NDUFAF6: variants seen among roughly 807,000 people sequenced by gnomAD.
The protein encoded by NDUFAF6 is NADH:ubiquinone oxidoreductase complex assembly factor 6, also known as NADH dehydrogenase (ubiquinone) complex I, assembly factor 6.
In NDUFAF6, 45 loss-of-function variants were observed where a neutral mutation model predicts 40.8. The ratio of observed to expected loss-of-function variants is 1.10; its 90% CI spans 0.87 to 1.42. The LOEUF (loss-of-function observed/expected upper bound fraction) is 1.42, where lower values mean the gene tolerates loss of function less well. Ranked by LOEUF, NDUFAF6 falls within the 40% of genes most tolerant of loss-of-function variation. The probability of loss-of-function intolerance (pLI) is 0.00; values close to 1 mark genes in which losing one functional copy is unlikely to be tolerated. For synonymous variants in NDUFAF6, 185 were observed against 155.9 expected (o/e 1.19, Z -1.39); for missense variants, 435 against 418.5 (o/e 1.04, Z -0.34).
chr8:95,050,300 A>G (rs1471905326), intron 7 of NDUFAF6, among the ~76,000 whole-genome samples: 1 of 152,216 alleles, frequency 6.6e-6, no homozygotes, highest in African/African-American at 2.4e-5. Context: ...AGATTTGAAC[A>G]CCACTGGTGG....
chr8:95,015,546 A>G (rs1448029671), intron 2 of NDUFAF6, among the ~76,000 whole-genome samples: 2 of 152,214 alleles, frequency 1.3e-5, no homozygotes, highest in Non-Finnish European at 2.9e-5. Flanking sequence ...TTCACCTTTG[A>G]CAGCAATAGT....
chr8:94,899,954 C>T (rs1817908355), intron 1 of NDUFAF6, among the ~76,000 whole-genome samples: 1 of 152,188 alleles, frequency 6.6e-6, no homozygotes, highest in African/African-American at 2.4e-5. Context: ...ATCCCCTGTC[C>T]TTCTCACCTT....
intron 1 of NDUFAF6, 95 bp downstream of exon 1, chr8:95,025,300 GA>G: frequency 8.1e-7 from 1 of 1,229,144 alleles, no homozygotes; most frequent in Non-Finnish European, 1.0e-6. Context: ...TGAGCGAGCG[GA>G]CCGGCGCCTT....
At chr8:94,978,628 C>T (rs978871640) in intron 1 of NDUFAF6, among the ~76,000 whole-genome samples, 5 of 151,828 alleles carry the variant, frequency 3.3e-5, no homozygotes, top group Admixed American at 6.6e-5. Flanking sequence ...GTGGGAGGAT[C>T]GCTTGAGCCT....
intron 2 of NDUFAF6, among the ~76,000 whole-genome samples, chr8:95,002,740 A>G (rs1826792306): frequency 6.6e-6 from 1 of 152,196 alleles, no homozygotes; most frequent in Non-Finnish European, 1.5e-5. Context: ...CTTAGAGACT[A>G]GTAGGGAATA....
At chr8:95,008,450 G>A (rs1203610988) in intron 2 of NDUFAF6, among the ~76,000 whole-genome samples, 2 of 152,142 alleles carry the variant, frequency 1.3e-5, no homozygotes, top group African/African-American at 4.8e-5. Context: ...CCTTACAAAG[G>A]AATTCTATCC....
At chr8:94,960,251 A>G (rs1419510088) in intron 1 of NDUFAF6, among the ~76,000 whole-genome samples, 2 of 152,192 alleles carry the variant, frequency 1.3e-5, no homozygotes, top group African/African-American at 4.8e-5. Flanking sequence ...TGGTGCTTTC[A>G]CATAGCTGCC....
chr8:95,048,044 A>G (rs1459311521), intron 6 of NDUFAF6, among the ~76,000 whole-genome samples: 1 of 152,042 alleles, frequency 6.6e-6, no homozygotes, highest in East Asian at 1.9e-4. Context: ...AAATACAAAA[A>G]TTAGCTGGGT....
At chr8:95,039,563 C>T (rs1829929040) in intron 3 of NDUFAF6, among the ~76,000 whole-genome samples, 1 of 151,352 alleles carries the variant, frequency 6.6e-6, no homozygotes, top group Non-Finnish European at 1.5e-5. Context: ...CAGGTATTAG[C>T]CACCGCCCCG....
At chr8:95,109,747 C>T (rs549521512) in intron 4 of NDUFAF6, among the ~76,000 whole-genome samples, 31 of 152,196 alleles carry the variant, frequency 2.0e-4, no homozygotes, top group Admixed American at 8.5e-4. Context: ...TTATAAGGAC[C>T]TTTGTGATTA....
intron 1 of NDUFAF6, among the ~76,000 whole-genome samples, chr8:94,913,349 C>A (rs1818912969): frequency 6.6e-6 from 1 of 152,178 alleles, no homozygotes; most frequent in South Asian, 2.1e-4. Context: ...ATGAAAACTG[C>A]CATAAACTCA....
intron 1 of NDUFAF6, among the ~76,000 whole-genome samples, chr8:94,936,432 G>A (rs1820984552): frequency 6.6e-6 from 1 of 152,200 alleles, no homozygotes; most frequent in African/African-American, 2.4e-5. Context: ...CTGACAAAGA[G>A]CTGCTTGGTT....
chr8:94,995,439 GT>G (rs1826382337), intron 2 of NDUFAF6, among the ~76,000 whole-genome samples: 1 of 152,074 alleles, frequency 6.6e-6, no homozygotes, highest in Admixed American at 6.5e-5. Context: ...CTTCAAAATG[GT>G]TAGTGTTGAG....
At chr8:94,980,082 G>A (rs1464948491) in intron 1 of NDUFAF6, among the ~76,000 whole-genome samples, 2 of 151,378 alleles carry the variant, frequency 1.3e-5, no homozygotes, top group Non-Finnish European at 2.9e-5. Context: ...GGTTTACAGA[G>A]TGAGACTCTG....
intron 2 of NDUFAF6, among the ~76,000 whole-genome samples, chr8:95,010,531 A>T (rs1463182963): frequency 1.3e-5 from 2 of 152,236 alleles, no homozygotes; most frequent in East Asian, 3.8e-4. Context: ...AGCAATATTT[A>T]TAGGGTTTCC....
upstream of NDUFAF6, among the ~76,000 whole-genome samples, chr8:95,024,020 T>TGG (rs1266991209): frequency 6.6e-6 from 1 of 151,994 alleles, no homozygotes; most frequent in Non-Finnish European, 1.5e-5. Context: ...TAAATCAAGT[T>TGG]AGTAAACTGT....
At chr8:95,011,794 A>G (rs552796853) in intron 2 of NDUFAF6, among the ~76,000 whole-genome samples, 6 of 152,198 alleles carry the variant, frequency 3.9e-5, no homozygotes, top group Non-Finnish European at 8.8e-5. Context: ...GTTGATTGGG[A>G]TGTTTAATTA....
chr8:95,038,083 A>G (rs1829712882), intron 3 of NDUFAF6, among the ~76,000 whole-genome samples: 1 of 152,142 alleles, frequency 6.6e-6, no homozygotes, highest in African/African-American at 2.4e-5. Context: ...ATGAGGTCTC[A>G]CTGTGTTGCC....
At chr8:94,941,643 T>C (rs1228498283) in intron 1 of NDUFAF6, among the ~76,000 whole-genome samples, 1 of 152,254 alleles carries the variant, frequency 6.6e-6, no homozygotes, top group African/African-American at 2.4e-5. Context: ...AAATTTACAC[T>C]GTAGGAAACT....
Sources: allele counts gnomAD v4.1 joint callset (sites outside exome capture counted in the v4.1 genomes callset), GRCh38; gene constraint gnomAD v4.1.1; transcripts MANE v1.5; gene names NCBI Gene and HGNC (gene_info 2026-07-23, HGNC 2026-07-21).